The following ZNF496 variants were observed in gnomAD, a reference collection of about 807,000 sequenced individuals.
ZNF496 encodes NSD1 (nuclear receptor binding SET-domain containing 1)-interacting zinc finger protein 1.
In ZNF496, 11 loss-of-function variants were observed where a neutral mutation model predicts 58.9. That is an observed-to-expected ratio of 0.19 (90% CI 0.12 to 0.31). ZNF496 has a LOEUF of 0.31. Among genes scored for constraint, ZNF496 ranks in the 10% least tolerant of loss-of-function variants. The pLI is 1.00. For synonymous variants in ZNF496, 338 were observed against 318.2 expected (o/e 1.06, Z -0.66); for missense variants, 660 against 783.0 (o/e 0.84, Z 1.88).
chr1:247,328,544 C>A, intron 5 of ZNF496, 139 bp downstream of exon 5: 2 of 874,904 alleles, frequency 2.3e-6, no homozygotes, highest in Non-Finnish European at 3.3e-6. Flanking sequence ...CAGACCCTGA[C>A]AACAGCTCAC....
chr1:247,322,705 A>C (rs1219186641), intron 6 of ZNF496: 2 of 1,288,990 alleles, frequency 1.6e-6, no homozygotes, highest in Non-Finnish European at 2.0e-6. Flanking sequence ...CACCACGTAG[A>C]TCTGTGACAG....
chr1:247,302,385 G>A (rs1397296229), intron 9 of ZNF496, among the ~76,000 whole-genome samples: 1 of 152,140 alleles, frequency 6.6e-6, no homozygotes, highest in Non-Finnish European at 1.5e-5. Flanking sequence ...AGGGGGTCGG[G>A]GGAACATGAG....
intron 6 of ZNF496, among the ~76,000 whole-genome samples, chr1:247,322,227 G>C (rs1393242160): frequency 1.3e-5 from 2 of 152,112 alleles, no homozygotes; most frequent in African/African-American, 4.8e-5. Context: ...AGGCTGCAGT[G>C]AACTACGACT....
At chr1:247,310,591 T>C in intron 6 of ZNF496, 135 bp from the exon 7 acceptor site, 1 of 1,184,054 alleles carries the variant, frequency 8.4e-7, no homozygotes, top group South Asian at 1.5e-5. Flanking sequence ...TCCTCACAGT[T>C]CTGGAGGCTG....
At chr1:247,314,586 T>C (rs1171458319) in intron 6 of ZNF496, among the ~76,000 whole-genome samples, 1 of 152,186 alleles carries the variant, frequency 6.6e-6, no homozygotes, top group Non-Finnish European at 1.5e-5. Flanking sequence ...AGGACTTTTA[T>C]ATTACTAGTA....
Position 247,308,460 on chromosome 1 carries a change from C to T in ZNF496, c.1006+15G>A, listed in dbSNP as rs1477094339. On this transcript the variant is annotated intron_variant, in intron 9 of 9. Coordinates refer to ENST00000682384, the MANE Select transcript of ZNF496 (RefSeq NM_032752.3). This position sits in a 1 kb window ranked among gnomAD's most constrained non-coding sequence, Gnocchi z 4.5. ...CACACAGGGACAAACCCATACCTCCCTGACCCTTCTTTACCTGGGTAGGTG... is the reference window on the plus strand; with the variant it reads ...CACACAGGGACAAACCCATACCTCCTTGACCCTTCTTTACCTGGGTAGGTG... 7 of 1,612,092 alleles carry T rather than the reference C, an allele frequency of 4.3e-6. No individual in the cohort carries two copies. The highest frequency in any genetic ancestry group is 1.3e-5 in the African/African-American group (1 of 74,896).
At chr1:247,330,683 C>A (rs1382317282) in intron 2 of ZNF496, among the ~76,000 whole-genome samples, 1 of 152,266 alleles carries the variant, frequency 6.6e-6, no homozygotes, top group Non-Finnish European at 1.5e-5. Flanking sequence ...TCACAGTCCC[C>A]TTCTCTGCCA....
intron 6 of ZNF496, among the ~76,000 whole-genome samples, chr1:247,318,653 A>G (rs1659861896): frequency 6.6e-6 from 1 of 152,104 alleles, no homozygotes. Context: ...ATCCTTCAGG[A>G]ATGATGGGGA....
At chr1:247,322,879 T>G in intron 6 of ZNF496, 1 of 965,116 alleles carries the variant, frequency 1.0e-6, no homozygotes, top group Non-Finnish European at 1.5e-6. Flanking sequence ...GGCCCATCAA[T>G]GGGGACTCAT....
chr1:247,316,135 G>GGTGTGTGTGTGTGTGTGT (rs148003455), intron 6 of ZNF496, among the ~76,000 whole-genome samples: 16 of 139,924 alleles, frequency 1.1e-4, no homozygotes, highest in East Asian at 8.9e-4. Context: ...CTGGGAGAGG[G>GGTGTGTGTGTGTGTGTGT]GTGTGTGTGT....
chr1:247,317,280 G>C (rs1327414001), intron 6 of ZNF496, among the ~76,000 whole-genome samples: 1 of 152,084 alleles, frequency 6.6e-6, no homozygotes, highest in African/African-American at 2.4e-5. Flanking sequence ...GAAGCCGAAG[G>C]AGCCAGCTAC....
chr1:247,315,900 C>A (rs1188113699), intron 6 of ZNF496, among the ~76,000 whole-genome samples: 1 of 152,132 alleles, frequency 6.6e-6, no homozygotes, highest in South Asian at 2.1e-4. Context: ...GAGGCTGTAT[C>A]TGAATGAGCC....
intron 5 of ZNF496, among the ~76,000 whole-genome samples, chr1:247,327,789 C>A (rs1298381990): frequency 2.5e-5 from 2 of 79,148 alleles, no homozygotes; most frequent in East Asian, 6.1e-4. Context: ...TATGGCAAGT[C>A]CACCCAGAGT....
chr1:247,312,501 C>T (rs1004521927), intron 6 of ZNF496: 1 of 152,254 alleles, frequency 6.6e-6, no homozygotes, highest in Non-Finnish European at 1.5e-5. Flanking sequence ...GTGGCTCACA[C>T]TTGTAATCCC....
At chr1:247,306,152 T>C (rs1553349476) in intron 9 of ZNF496, among the ~76,000 whole-genome samples, 1 of 151,882 alleles carries the variant, frequency 6.6e-6, no homozygotes, top group Non-Finnish European at 1.5e-5. Flanking sequence ...TTTGGTAATG[T>C]AGAGTAAAAG....
At chr1:247,326,137 T>C (rs961727505) in intron 5 of ZNF496, among the ~76,000 whole-genome samples, 4 of 149,032 alleles carry the variant, frequency 2.7e-5, no homozygotes, top group Admixed American at 6.7e-5. Context: ...CATATATATA[T>C]ATACACACAT....
At chr1:247,315,677 A>G (rs1659745891) in intron 6 of ZNF496, among the ~76,000 whole-genome samples, 1 of 152,216 alleles carries the variant, frequency 6.6e-6, no homozygotes, top group Non-Finnish European at 1.5e-5. Flanking sequence ...GGGAAAGTGA[A>G]GGAAAGGGTA....
At position 247,329,916 on chromosome 1, in the gene ZNF496, C is replaced by T. The variant is rs1251414641; in HGVS notation, c.-38+50G>A. 2 of 252,296 alleles carry T rather than the reference C, an allele frequency of 7.9e-6. No individual in the cohort carries two copies. Among genetic ancestry groups the T allele is most frequent in the Non-Finnish European group, 1.5e-5 (2 of 134,418 alleles). The allele number at this position is 252,296 out of a possible 1,614,324, so 15.6% of individuals were successfully genotyped here. On this transcript the variant is annotated intron_variant, in intron 3 of 9. Transcript: ENST00000682384. The surrounding 1 kb of genome is among the most constrained non-coding windows in gnomAD (Gnocchi z 5.5). The stretch of plus-strand genomic sequence containing the variant: ...ACGTGACACTGCTGTTTTGAGCATC[C>T]CAGGAAACCAACAGCGCCACATGCA...
At chr1:247,302,198 G>C (rs1659264116) in intron 9 of ZNF496, among the ~76,000 whole-genome samples, 1 of 152,184 alleles carries the variant, frequency 6.6e-6, no homozygotes, top group African/African-American at 2.4e-5. Context: ...ATAAGAGTAG[G>C]AACATGGTTA....
Sources: allele counts gnomAD v4.1 joint callset (sites outside exome capture counted in the v4.1 genomes callset), GRCh38; gene constraint gnomAD v4.1.1; non-coding constraint Gnocchi (gnomAD v3.1); transcripts MANE v1.5; gene names NCBI Gene and HGNC (gene_info 2026-07-23, HGNC 2026-07-21).